ATRN: variants seen among roughly 807,000 people sequenced by gnomAD.
ATRN encodes attractin.
A neutral mutation model predicts 178.7 loss-of-function variants in ATRN; 54 were observed. That is an observed-to-expected ratio of 0.30 (90% CI 0.24 to 0.38). The LOEUF is 0.38. Ranked by LOEUF, ATRN falls within the 10% of genes least tolerant of loss-of-function variation. The pLI is 1.00. For missense variants in ATRN, 1,443 were observed against 1,815.1 expected, an observed-to-expected ratio of 0.79 and a Z score of 3.73; for synonymous variants, 636 against 663.0, an observed-to-expected ratio of 0.96 and a Z score of 0.63.
At chr20:3,545,294 G>A (rs957888879) in intron 3 of ATRN, among the ~76,000 whole-genome samples, 6 of 151,018 alleles carry the variant, frequency 4.0e-5, no homozygotes, top group African/African-American at 1.2e-4. Context: ...CTTGAACCCC[G>A]GGACGCAGAG....
intron 18 of ATRN, among the ~76,000 whole-genome samples, chr20:3,585,551 T>G (rs757742181): frequency 2.0e-5 from 3 of 152,190 alleles, no homozygotes; most frequent in Non-Finnish European, 4.4e-5. Flanking sequence ...CATACTAAGA[T>G]ATGGGGGACC....
intron 1 of ATRN, among the ~76,000 whole-genome samples, chr20:3,471,938 C>T (rs1256536679): frequency 6.6e-6 from 1 of 152,190 alleles, no homozygotes; most frequent in Non-Finnish European, 1.5e-5. Context: ...TTCCCCGATG[C>T]ACTGGAGATG....
intron 11 of ATRN, among the ~76,000 whole-genome samples, chr20:3,567,495 G>A (rs2086053113): frequency 6.6e-6 from 1 of 152,164 alleles, no homozygotes; most frequent in Non-Finnish European, 1.5e-5. Flanking sequence ...TTCATTTTAT[G>A]TGATTCCAGT....
chr20:3,495,346 A>G (rs986180603), intron 1 of ATRN, among the ~76,000 whole-genome samples: 2 of 152,170 alleles, frequency 1.3e-5, no homozygotes, highest in Non-Finnish European at 2.9e-5. Context: ...TTTTAAGGAC[A>G]CCAATGCAGT....
intron 18 of ATRN, among the ~76,000 whole-genome samples, chr20:3,585,267 GA>G (rs1206765395): frequency 2.0e-5 from 3 of 152,200 alleles, no homozygotes; most frequent in Non-Finnish European, 4.4e-5. Context: ...CTTTGTAAGG[GA>G]AAGTCCACTG....
At chr20:3,573,272 A>T (rs2086154161) in intron 12 of ATRN, among the ~76,000 whole-genome samples, 2 of 152,148 alleles carry the variant, frequency 1.3e-5, no homozygotes, top group South Asian at 4.1e-4. Context: ...TTTATTTTTG[A>T]TGATGGAAAT....
rs1486303433 is a variant in ATRN, at chr20:3,649,320, T to C, written c.*2473T>C. Reference sequence around the variant, plus strand: ...GCACTTGTACATAACTATACAGTAGTGTCCAGAATGTTCAGACATTCGGAG... The same window carrying C: ...GCACTTGTACATAACTATACAGTAGCGTCCAGAATGTTCAGACATTCGGAG... On this transcript the variant is annotated 3_prime_UTR_variant, in exon 29 of 29. Transcript: ENST00000262919. 6.6e-6 allele frequency: 1 copy of C among 152,668 alleles called. No individual in the cohort carries two copies. Among genetic ancestry groups the C allele is most frequent in the Non-Finnish European group, 1.5e-5 (1 of 68,046 alleles). 9.5% of individuals were successfully genotyped at this position (152,668 alleles called of 1,614,324 possible). A position where few individuals can be genotyped will look rare whatever the true frequency, so the allele number is the denominator to read the frequency against.
intron 12 of ATRN, among the ~76,000 whole-genome samples, chr20:3,575,593 C>T (rs2086197880): frequency 6.6e-6 from 1 of 152,046 alleles, no homozygotes; most frequent in African/African-American, 2.4e-5. Flanking sequence ...GTTAAATTAA[C>T]CTATCCTTGT....
intron 25 of ATRN, among the ~76,000 whole-genome samples, chr20:3,628,177 AC>A (rs1301364004): frequency 1.1e-4 from 16 of 152,234 alleles, no homozygotes; most frequent in African/African-American, 3.4e-4. Context: ...ATCTCAAAAA[AC>A]AAAAAGGAGA....
intron 1 of ATRN, chr20:3,489,494 G>A (rs2084751265): frequency 8.5e-7 from 1 of 1,177,780 alleles, no homozygotes; most frequent in African/African-American, 1.5e-5. Flanking sequence ...AGGGAAGCCT[G>A]GGCTAGCCCA....
intron 16 of ATRN, 82 bp downstream of exon 16, chr20:3,582,436 G>C: frequency 7.9e-7 from 1 of 1,266,300 alleles, no homozygotes; most frequent in Admixed American, 1.8e-5. Flanking sequence ...GCTGAGATGT[G>C]TGAAGTAGTC....
In ATRN at chr20:3,549,271, A is replaced by G. The variant is rs147361324; in HGVS notation, c.1045A>G (p.Asn349Asp). The G allele has an allele frequency of 3.7e-6, 6 of 1,610,356 alleles. No individual in the cohort carries two copies. Among genetic ancestry groups the G allele is most frequent in the Non-Finnish European group, 5.1e-6 (6 of 1,178,692 alleles). The change falls in exon 6 of 29, where the codon AAT (asparagine) becomes GAT (aspartate). Residue 349 changes from asparagine to aspartate, a missense_variant. Transcript: ENST00000262919. ...LPRASHKAVV[N>D]GNIMWVVGGY... ...CAGAGCATCTCATAAAGCTGTGGTC[A>G]ATGGAAACATTATGTGGGTTGTTGG...
At chr20:3,505,031 A>G (rs2085022147) in intron 1 of ATRN, among the ~76,000 whole-genome samples, 1 of 152,198 alleles carries the variant, frequency 6.6e-6, no homozygotes, top group Non-Finnish European at 1.5e-5. Context: ...TTAATTTTAC[A>G]TATCAACTTG....
chr20:3,609,436 G>A (rs2086729503), intron 24 of ATRN, among the ~76,000 whole-genome samples: 1 of 152,100 alleles, frequency 6.6e-6, no homozygotes, highest in Non-Finnish European at 1.5e-5. Flanking sequence ...GGAGCTTTTA[G>A]GGTTTTCTGT....
intron 3 of ATRN, among the ~76,000 whole-genome samples, chr20:3,545,032 T>C (rs1256791682): frequency 6.6e-6 from 1 of 152,102 alleles, no homozygotes; most frequent in Non-Finnish European, 1.5e-5. Context: ...GTTGGAGTTA[T>C]GGGTGTTTGT....
In ATRN at chr20:3,648,839, C is replaced by A. The variant is rs922514584; in HGVS notation, c.*1992C>A. On this transcript the variant is annotated 3_prime_UTR_variant, in exon 29 of 29. Transcript: ENST00000262919. ...GACTGGCCCCTTAATTCCCACAGGC[C>A]CCCCCAGCAAGGCCAAAGGGAGGCC... 1 of 152,104 alleles carries A rather than the reference C, an allele frequency of 6.6e-6. No homozygotes were observed. The highest frequency in any genetic ancestry group is 1.5e-5 in the Non-Finnish European group (1 of 68,038). 9.4% of individuals were successfully genotyped at this position (152,104 alleles called of 1,614,324 possible).
chr20:3,584,610 C>G, intron 17 of ATRN, 37 bp from the exon 18 acceptor site: 1 of 1,471,434 alleles, frequency 6.8e-7, no homozygotes, highest in Non-Finnish European at 9.4e-7. Flanking sequence ...TTCAGATCTA[C>G]CTGTGATAGT....
intron 15 of ATRN, among the ~76,000 whole-genome samples, chr20:3,579,640 GC>G: frequency 6.6e-6 from 1 of 152,288 alleles, no homozygotes; most frequent in Middle Eastern, 3.4e-3. Flanking sequence ...CTCTCAGGGG[GC>G]TTATAGTCAA....
At chr20:3,485,610 G>GTTTTTTTTTTTTTTTTTTTTT (rs3084238) in intron 1 of ATRN, among the ~76,000 whole-genome samples, 3 of 67,922 alleles carry the variant, frequency 4.4e-5, no homozygotes, top group African/African-American at 1.1e-4. Context: ...TTTTTTTGAG[G>GTTTTTTTTTTTTTTTTTTTTT]TTTTTTTTTT....
Sources: gnomAD v4.1 joint callset for allele counts (sites outside exome capture counted in the v4.1 genomes callset) on GRCh38, gnomAD v4.1.1 for gene constraint, MANE v1.5 for transcripts, NCBI Gene and HGNC (gene_info 2026-07-23, HGNC 2026-07-21) for gene names.